SLC6A11: variants seen among roughly 807,000 people sequenced by gnomAD.
SLC6A11 encodes the protein sodium- and chloride-dependent GABA transporter 3.
SLC6A11 carries 25 observed loss-of-function variants against 74.8 expected under a neutral mutation model. The ratio of observed to expected loss-of-function variants is 0.33; its 90% CI spans 0.24 to 0.47. The LOEUF (loss-of-function observed/expected upper bound fraction) is 0.47, where lower values mean the gene tolerates loss of function less well. SLC6A11 is among the 20% of genes least tolerant of loss of function. The probability of loss-of-function intolerance (pLI) is 1.00; values close to 1 mark genes in which losing one functional copy is unlikely to be tolerated. For missense variants in SLC6A11, 574 were observed against 837.0 expected (o/e 0.69, Z 3.88); for synonymous variants, 330 against 330.2 (o/e 1.00, Z 0.01).
intron 5 of SLC6A11, among the ~76,000 whole-genome samples, chr3:10,866,888 T>G (rs1197340321): frequency 6.6e-6 from 1 of 152,242 alleles, no homozygotes; most frequent in African/African-American, 2.4e-5. Flanking sequence ...TGCATTCTCT[T>G]GCATTTTATT....
Position 10,912,205 on chromosome 3 carries a change from C to T in SLC6A11, c.995+12C>T. 1 of 1,561,116 alleles carries T rather than the reference C, an allele frequency of 6.4e-7. No individual in the cohort carries two copies. The highest frequency in any genetic ancestry group is 1.4e-5 in the African/African-American group (1 of 74,020). On this transcript the variant is annotated intron_variant, in intron 7 of 13. Transcript: ENST00000254488. ...AACAACTGCTACAGGTGAGCATTTC[C>T]CTGGGCCCTGCCAGCTCTCCACCAA...
chr3:10,844,775 C>T (rs937149038), intron 5 of SLC6A11, among the ~76,000 whole-genome samples: 5 of 152,228 alleles, frequency 3.3e-5, no homozygotes, highest in African/African-American at 1.2e-4. Context: ...ATTTCTCCCT[C>T]ACCTGGAGTC....
At chr3:10,898,108 G>A (rs996361678) in intron 6 of SLC6A11, among the ~76,000 whole-genome samples, 2 of 152,312 alleles carry the variant, frequency 1.3e-5, no homozygotes, top group African/African-American at 4.8e-5. Context: ...ATGTCCCCAA[G>A]CTGCAGACAG....
intron 4 of SLC6A11, chr3:10,825,214 A>G (rs1288083182): frequency 1.3e-5 from 2 of 151,968 alleles, no homozygotes; most frequent in African/African-American, 4.8e-5. Context: ...TACACTCCAA[A>G]CAAGAGTTTG....
intron 8 of SLC6A11, among the ~76,000 whole-genome samples, chr3:10,923,152 C>T (rs540910405): frequency 5.9e-5 from 9 of 151,382 alleles, no homozygotes; most frequent in Admixed American, 1.3e-4. Flanking sequence ...CATATATTTC[C>T]TATCTTTGTG....
intron 6 of SLC6A11, among the ~76,000 whole-genome samples, chr3:10,899,397 G>A (rs1389831352): frequency 1.3e-5 from 2 of 152,174 alleles, no homozygotes; most frequent in African/African-American, 2.4e-5. Flanking sequence ...TCAGAATTCT[G>A]TTTCATATGG....
intron 8 of SLC6A11, among the ~76,000 whole-genome samples, chr3:10,920,916 A>G (rs556137224): frequency 6.0e-4 from 91 of 152,316 alleles, no homozygotes; most frequent in African/African-American, 2.1e-3. Flanking sequence ...GAGTCTGCCA[A>G]TTGGAGAAAA....
chr3:10,835,958 A>T (rs1268396176), intron 4 of SLC6A11, among the ~76,000 whole-genome samples: 6 of 152,228 alleles, frequency 3.9e-5, no homozygotes, highest in Non-Finnish European at 8.8e-5. Context: ...TGAAGCCATC[A>T]CCACAATATA....
intron 5 of SLC6A11, among the ~76,000 whole-genome samples, chr3:10,871,876 G>C (rs1209961647): frequency 6.6e-6 from 1 of 152,186 alleles, no homozygotes; most frequent in Non-Finnish European, 1.5e-5. Context: ...GCCATGAGTG[G>C]GCTGGGGAGG....
chr3:10,886,267 C>A (rs1401204005), intron 6 of SLC6A11, among the ~76,000 whole-genome samples: 2 of 152,198 alleles, frequency 1.3e-5, no homozygotes, highest in Non-Finnish European at 2.9e-5. Flanking sequence ...CCTTGCTCAC[C>A]ACCCCATGGC....
rs80151218 is a variant in SLC6A11, at chr3:10,845,337, G to A, written c.756+991G>A. On this transcript the variant is annotated intron_variant, in intron 5 of 13. Transcript: ENST00000254488. ...ATTCCATATCACCCCCAATCCTGTG[G>A]CTGAGTATCAATGCCAATGGTTTCC... Among the ~76,000 whole-genome samples the A allele has an allele frequency of 4.7e-4, 71 of 152,280 alleles. 1 individual carries two copies. The highest frequency in any genetic ancestry group is 1.6e-3 in the African/African-American group (68 of 41,560).
chr3:10,853,579 G>A (rs76466871), intron 5 of SLC6A11, among the ~76,000 whole-genome samples: 12,003 of 152,180 alleles, frequency 0.079, 829 homozygotes, highest in Admixed American at 0.24. Context: ...GTGGGGACAG[G>A]CCATCAGAAG....
At chr3:10,882,754 C>T (rs367670967) in intron 6 of SLC6A11, among the ~76,000 whole-genome samples, 16 of 152,086 alleles carry the variant, frequency 1.1e-4, no homozygotes, top group African/African-American at 2.7e-4. Context: ...GGTGTGGAGG[C>T]GAGGAAATGG....
In SLC6A11 at chr3:10,816,591, C is replaced by G; in HGVS notation, c.256+70C>G. On this transcript the variant is annotated intron_variant, in intron 1 of 13. Transcript: ENST00000254488. The surrounding 1 kb of genome is among the most constrained non-coding windows in gnomAD (Gnocchi z 4.2). ...GTGGGGGCGGGGAGCCAGGGGCGAG[C>G]GCGAGACCCCCTCCCGCGCCTGCGT... is the stretch of plus-strand genomic sequence containing the variant. The G allele has an allele frequency of 2.1e-6, 3 of 1,408,436 alleles. No homozygotes were observed. The highest frequency in any genetic ancestry group is 2.8e-6 in the Non-Finnish European group (3 of 1,061,394). The allele number at this position is 1,408,436 out of a possible 1,614,324, so 87.2% of individuals were successfully genotyped here. A position where few individuals can be genotyped will look rare whatever the true frequency, so the allele number is the denominator to read the frequency against.
chr3:10,899,555 T>A (rs1272701560), intron 6 of SLC6A11, among the ~76,000 whole-genome samples: 2 of 152,222 alleles, frequency 1.3e-5, no homozygotes, highest in Non-Finnish European at 2.9e-5. Context: ...CTATTCCATT[T>A]CCCCTCTCAG....
At chr3:10,905,014 C>A (rs1575696917) in intron 6 of SLC6A11, among the ~76,000 whole-genome samples, 1 of 152,300 alleles carries the variant, frequency 6.6e-6, no homozygotes, top group East Asian at 1.9e-4. Flanking sequence ...ATTACCAAAC[C>A]CACGGAAGGG....
At chr3:10,866,855 G>A (rs1168226288) in intron 5 of SLC6A11, among the ~76,000 whole-genome samples, 2 of 152,200 alleles carry the variant, frequency 1.3e-5, no homozygotes, top group African/African-American at 4.8e-5. Context: ...CATGTGTCCA[G>A]GGTGGCCTTT....
chr3:10,883,172 C>T (rs1372411081), intron 6 of SLC6A11, among the ~76,000 whole-genome samples: 1 of 152,190 alleles, frequency 6.6e-6, no homozygotes, highest in African/African-American at 2.4e-5. Flanking sequence ...GCTTTTGTCC[C>T]CCAGCAATTT....
Position 10,935,219 on chromosome 3 carries a change from G to T in SLC6A11, c.1746+20G>T. ...CCCGAGGTGAGACCGCCCCAGGAGG[G>T]CTGGTGCGTTTGGGCAGGGTTCGCG... On this transcript the variant is annotated intron_variant, in intron 13 of 13. Coordinates refer to ENST00000254488, the MANE Select transcript of SLC6A11 (RefSeq NM_014229.3). The T allele has an allele frequency of 6.2e-7, 1 of 1,612,488 alleles. No homozygotes were observed. The highest frequency in any genetic ancestry group is 8.5e-7 in the Non-Finnish European group (1 of 1,178,832).
Sources: gnomAD v4.1 joint callset for allele counts (sites outside exome capture counted in the v4.1 genomes callset) on GRCh38, gnomAD v4.1.1 for gene constraint, Gnocchi (gnomAD v3.1) non-coding constraint, MANE v1.5 for transcripts, NCBI Gene and HGNC (gene_info 2026-07-23, HGNC 2026-07-21) for gene names.